Variants in PLD5 observed in about 807,000 individuals in gnomAD.
The protein encoded by PLD5 is phospholipase D family member 5, also known as inactive phospholipase D5.
Under a neutral mutation model 61.1 loss-of-function variants are expected in PLD5, and 36 were observed. That is an observed-to-expected ratio of 0.59 (90% CI 0.45 to 0.78). The LOEUF (loss-of-function observed/expected upper bound fraction) is 0.78. PLD5 is among the 30% of genes least tolerant of loss of function. The pLI, the probability that PLD5 is intolerant of heterozygous loss-of-function variation, is 0.00. For synonymous variants in PLD5, 243 were observed against 242.8 expected (o/e 1.00, Z -0.01); for missense variants, 515 against 644.4 (o/e 0.80, Z 2.17).
At chr1:242,342,965 G>T (rs1659925672) in intron 2 of PLD5, among the ~76,000 whole-genome samples, 2 of 152,118 alleles carry the variant, frequency 1.3e-5, no homozygotes, top group African/African-American at 2.4e-5. Context: ...AAAATCATAA[G>T]GATTTTTTTA....
intron 1 of PLD5, among the ~76,000 whole-genome samples, chr1:242,510,700 CTGGGCGGGG>C (rs1319932622): frequency 2.6e-5 from 4 of 152,036 alleles, no homozygotes; most frequent in Non-Finnish European, 5.9e-5. Context: ...AAGAAAATAG[CTGGGCGGGG>C]TGGCAGGCGC....
In PLD5 at chr1:242,161,414, C is replaced by A. The variant is rs1011285765; in HGVS notation, c.736-36749G>T. On this transcript the variant is annotated intron_variant, in intron 5 of 9. Transcript: ENST00000536534. Reference sequence around the variant, plus strand: ...ACAATATGAGATTTGGGTGGGGACACAAACCATATCATCTATTTACAGCTA... The same window carrying A: ...ACAATATGAGATTTGGGTGGGGACAAAAACCATATCATCTATTTACAGCTA... Among the ~76,000 whole-genome samples the A allele has an allele frequency of 3.9e-5, 6 of 151,904 alleles. No homozygotes were observed. The South Asian group carries it at 1.2e-3, about 32-fold the overall frequency.
At chr1:242,170,664 G>C (rs948198471) in intron 5 of PLD5, among the ~76,000 whole-genome samples, 2 of 152,102 alleles carry the variant, frequency 1.3e-5, no homozygotes, top group Non-Finnish European at 2.9e-5. Context: ...CTTGAAAAAA[G>C]GTTAGACAAA....
At chr1:242,326,652 A>T (rs1658805579) in intron 2 of PLD5, among the ~76,000 whole-genome samples, 2 of 151,902 alleles carry the variant, frequency 1.3e-5, no homozygotes, top group South Asian at 4.2e-4. Flanking sequence ...TATTTTCCTT[A>T]TATTCTCTTT....
intron 1 of PLD5, among the ~76,000 whole-genome samples, chr1:242,451,707 G>T (rs577519424): frequency 6.6e-6 from 1 of 152,058 alleles, no homozygotes; most frequent in South Asian, 2.1e-4. Flanking sequence ...TGATCCACCT[G>T]CCTCAGCCTC....
intron 1 of PLD5, among the ~76,000 whole-genome samples, chr1:242,349,925 C>G (rs890622395): frequency 1.3e-5 from 2 of 152,122 alleles, no homozygotes; most frequent in African/African-American, 4.8e-5. Context: ...ATAGTCCCAG[C>G]TAGTAAGGAG....
intron 9 of PLD5, among the ~76,000 whole-genome samples, chr1:242,090,589 A>G (rs997031593): frequency 6.6e-6 from 1 of 152,126 alleles, no homozygotes; most frequent in Non-Finnish European, 1.5e-5. Flanking sequence ...CCTAACAAAC[A>G]CTCGATTGGA....
intron 5 of PLD5, among the ~76,000 whole-genome samples, chr1:242,135,900 G>A (rs1402887344): frequency 6.6e-6 from 1 of 152,102 alleles, no homozygotes; most frequent in Non-Finnish European, 1.5e-5. Context: ...CGCCTCCTGT[G>A]GCAGGAAGAT....
At chr1:242,427,767 G>T (rs1036555800) in intron 1 of PLD5, among the ~76,000 whole-genome samples, 1 of 152,216 alleles carries the variant, frequency 6.6e-6, no homozygotes, top group Non-Finnish European at 1.5e-5. Flanking sequence ...GCCTTTGAAA[G>T]ATGACTTTAA....
chr1:242,289,086 A>G (rs1442257934), intron 2 of PLD5, among the ~76,000 whole-genome samples: 1 of 152,244 alleles, frequency 6.6e-6, no homozygotes, highest in East Asian at 1.9e-4. Flanking sequence ...TGCTTGTTGC[A>G]GGGCTTTACT....
intron 1 of PLD5, among the ~76,000 whole-genome samples, chr1:242,475,862 G>A (rs1001604171): frequency 1.6e-4 from 24 of 152,262 alleles, no homozygotes; most frequent in African/African-American, 5.8e-4. Flanking sequence ...GAAGAGGCAC[G>A]GGGAGGGTGG....
chr1:242,365,656 G>C (rs1337949369), intron 1 of PLD5: 1 of 167,854 alleles, frequency 6.0e-6, no homozygotes, highest in East Asian at 1.8e-4. Context: ...GATGACGAAG[G>C]TGCTGTGTCT....
intron 5 of PLD5, among the ~76,000 whole-genome samples, chr1:242,182,940 A>G (rs1667618316): frequency 6.6e-6 from 1 of 152,230 alleles, no homozygotes; most frequent in South Asian, 2.1e-4. Context: ...TGTTACTGTA[A>G]CTTAGGTAAG....
At chr1:242,388,739 G>A (rs61848722) in intron 1 of PLD5, among the ~76,000 whole-genome samples, 1 of 152,046 alleles carries the variant, frequency 6.6e-6, no homozygotes, top group African/African-American at 2.4e-5. Flanking sequence ...GGTGGATCAC[G>A]AGGTCAGGAG....
At chr1:242,458,805 G>A (rs1285798810) in intron 1 of PLD5, among the ~76,000 whole-genome samples, 3 of 152,212 alleles carry the variant, frequency 2.0e-5, no homozygotes, top group Non-Finnish European at 4.4e-5. Context: ...GTCAGAGCCA[G>A]AGACGGTATT....
Position 242,220,028 on chromosome 1 carries a change from T to C in PLD5, c.695A>G (p.Tyr232Cys). 2 of 1,614,230 alleles carry C rather than the reference T, an allele frequency of 1.2e-6. No homozygotes were observed. The highest frequency in any genetic ancestry group is 1.7e-6 in the Non-Finnish European group (2 of 1,180,034). Residue 232 changes from tyrosine to cysteine, a missense_variant, in exon 5 of 10, where the codon TAT (tyrosine) becomes TGT (cysteine). Coordinates refer to ENST00000536534, the MANE Select transcript of PLD5 (RefSeq NM_001372062.1). ...SFWIVDKQHV[Y>C]IGSAGLDWQS... ...CCAGTCCAAACCGGCACTGCCGATATACACGTGCTGTTTGTCCACGATCCA... is the reference window on the plus strand; with the variant it reads ...CCAGTCCAAACCGGCACTGCCGATACACACGTGCTGTTTGTCCACGATCCA...
At position 242,256,785 on chromosome 1, in the gene PLD5, T is replaced by A. The variant is rs1365188220; in HGVS notation, c.607+8552A>T. ...ATCTATCTATCTATCTATCTATCTA[T>A]CTATCTATCTATTAATATCTATCTT... On this transcript the variant is annotated intron_variant, in intron 4 of 9. Transcript: ENST00000536534. The surrounding 1 kb of genome is among the most constrained non-coding windows in gnomAD (Gnocchi z 5.7). Among the ~76,000 whole-genome samples, 1 of 151,722 alleles carries A rather than the reference T, an allele frequency of 6.6e-6. No homozygotes were observed. The highest frequency in any genetic ancestry group is 1.5e-5 in the Non-Finnish European group (1 of 67,916).
Position 242,394,065 on chromosome 1 carries a change from AAC to A in PLD5, c.190-45825_190-45824del, listed in dbSNP as rs1426906303. The stretch of plus-strand genomic sequence containing the variant: ...AGACGACGACTCCATCTCAAAAAAA[AAC>A]ATATATATATATGAGTATATATATG... On this transcript the variant is annotated intron_variant, in intron 1 of 9. Coordinates refer to ENST00000536534, the MANE Select transcript of PLD5 (RefSeq NM_001372062.1). Among the ~76,000 whole-genome samples, 232 of 143,716 alleles carry A rather than the reference AAC, an allele frequency of 1.6e-3. 2 individuals are homozygous for A. The highest frequency in any genetic ancestry group is 6.0e-3 in the African/African-American group (226 of 37,860). The allele number at this position is 143,716 out of a possible 152,430, so 94.3% of individuals were successfully genotyped here. A position where few individuals can be genotyped will look rare whatever the true frequency, so the allele number is the denominator to read the frequency against.
intron 1 of PLD5, among the ~76,000 whole-genome samples, chr1:242,406,332 G>T (rs1483996332): frequency 6.6e-6 from 1 of 152,146 alleles, no homozygotes; most frequent in Admixed American, 6.5e-5. Flanking sequence ...TCAATCCCCG[G>T]TTGCTTCCAT....
Sources: gnomAD v4.1 joint callset for allele counts (sites outside exome capture counted in the v4.1 genomes callset) on GRCh38, gnomAD v4.1.1 for gene constraint, Gnocchi (gnomAD v3.1) non-coding constraint, MANE v1.5 for transcripts, NCBI Gene and HGNC (gene_info 2026-07-23, HGNC 2026-07-21) for gene names.